GRXCR2: variants seen among roughly 807,000 people sequenced by gnomAD.
GRXCR2 encodes the protein glutaredoxin domain-containing cysteine-rich protein 2.
In GRXCR2, 23 loss-of-function variants were observed where a neutral mutation model predicts 24.8. The observed-to-expected ratio is 0.93, with a 90% confidence interval of 0.67 to 1.32. The LOEUF (loss-of-function observed/expected upper bound fraction) is 1.32, where lower values mean the gene tolerates loss of function less well. Ranked by LOEUF, GRXCR2 falls within the 40% of genes most tolerant of loss-of-function variation. The probability of loss-of-function intolerance (pLI) is 0.00; values close to 1 mark genes in which losing one functional copy is unlikely to be tolerated. For synonymous variants in GRXCR2, 130 were observed against 116.1 expected, an observed-to-expected ratio of 1.12 and a Z score of -0.77; for missense variants, 315 against 303.4, an observed-to-expected ratio of 1.04 and a Z score of -0.28.
intron 2 of GRXCR2, among the ~76,000 whole-genome samples, chr5:145,920,639 G>A (rs1757308654): frequency 6.6e-6 from 1 of 152,128 alleles, no homozygotes; most frequent in Non-Finnish European, 1.5e-5. Context: ...CAGAGGGTGG[G>A]GGTGACAAAC....
chr5:145,893,071 C>A (rs938247994), intron 2 of GRXCR2, among the ~76,000 whole-genome samples: 11 of 152,110 alleles, frequency 7.2e-5, no homozygotes, highest in East Asian at 3.9e-4. Context: ...ACTTTACAGA[C>A]AAGCAAATGC....
chr5:145,865,550 T>C (rs1756415156), intron 2 of GRXCR2, among the ~76,000 whole-genome samples: 1 of 152,236 alleles, frequency 6.6e-6, no homozygotes, highest in South Asian at 2.1e-4. Context: ...TTGTGGACAC[T>C]GACAGCCATA....
chr5:145,858,171 G>T (rs192664876), downstream of GRXCR2, among the ~76,000 whole-genome samples: 1 of 152,052 alleles, frequency 6.6e-6, no homozygotes, highest in African/African-American at 2.4e-5. Flanking sequence ...AAAATTAGCT[G>T]GGAGTGGTGG....
At chr5:145,912,196 C>A (rs953337653) in intron 2 of GRXCR2, among the ~76,000 whole-genome samples, 1 of 152,168 alleles carries the variant, frequency 6.6e-6, no homozygotes. Context: ...CAGTGCTGGG[C>A]GGACAAAGGT....
chr5:145,900,399 G>A (rs1233651488), intron 2 of GRXCR2, among the ~76,000 whole-genome samples: 2 of 152,108 alleles, frequency 1.3e-5, no homozygotes, highest in Non-Finnish European at 2.9e-5. Flanking sequence ...GAGGAACTGT[G>A]AGCCAATTAA....
intron 2 of GRXCR2, among the ~76,000 whole-genome samples, chr5:145,910,872 A>C (rs1225844448): frequency 6.7e-6 from 1 of 150,058 alleles, no homozygotes; most frequent in African/African-American, 2.5e-5. Flanking sequence ...CCGTGCATGC[A>C]CACACATGTG....
At chr5:145,918,147 T>C (rs1757266497) in intron 2 of GRXCR2, among the ~76,000 whole-genome samples, 1 of 152,254 alleles carries the variant, frequency 6.6e-6, no homozygotes. Context: ...CACTTTTCAG[T>C]TGAATGCTGG....
At chr5:145,918,739 A>G (rs531701054) in intron 2 of GRXCR2, among the ~76,000 whole-genome samples, 1 of 152,310 alleles carries the variant, frequency 6.6e-6, no homozygotes, top group African/African-American at 2.4e-5. Flanking sequence ...ATCTAGAGGA[A>G]GAAGCTCAGG....
intron 2 of GRXCR2, among the ~76,000 whole-genome samples, chr5:145,929,307 C>A (rs547366150): frequency 6.6e-6 from 1 of 150,814 alleles, no homozygotes; most frequent in South Asian, 2.1e-4. Context: ...ATAAGGAACA[C>A]ACTTGGATAC....
chr5:145,878,328 T>A (rs1756649073), intron 2 of GRXCR2, among the ~76,000 whole-genome samples: 1 of 152,052 alleles, frequency 6.6e-6, no homozygotes, highest in South Asian at 2.1e-4. Context: ...TTAACTAGAA[T>A]AAACAGTGTA....
chr5:145,914,619 T>C (rs1757211327), intron 2 of GRXCR2, among the ~76,000 whole-genome samples: 1 of 130,616 alleles, frequency 7.7e-6, no homozygotes, highest in African/African-American at 3.0e-5. Flanking sequence ...AAGGTTGCAG[T>C]GAGCCGAGAT....
intron 2 of GRXCR2, among the ~76,000 whole-genome samples, chr5:145,896,521 C>T (rs559313506): frequency 6.6e-6 from 1 of 152,226 alleles, no homozygotes; most frequent in Admixed American, 6.5e-5. Context: ...AGCCAAAAGG[C>T]ACATGAAAAA....
intron 2 of GRXCR2, among the ~76,000 whole-genome samples, chr5:145,878,710 C>G (rs182586723): frequency 1.3e-5 from 2 of 152,172 alleles, no homozygotes; most frequent in Admixed American, 6.5e-5. Context: ...CACAAAGATA[C>G]TCCTCGAGAA....
chr5:145,884,192 A>G (rs1211253651), intron 2 of GRXCR2, among the ~76,000 whole-genome samples: 1 of 152,196 alleles, frequency 6.6e-6, no homozygotes, highest in Non-Finnish European at 1.5e-5. Flanking sequence ...CAAGAAGTAC[A>G]GAGAATAGAG....
At chr5:145,900,366 C>A (rs1049085731) in intron 2 of GRXCR2, among the ~76,000 whole-genome samples, 5 of 152,128 alleles carry the variant, frequency 3.3e-5, no homozygotes, top group Admixed American at 1.3e-4. Flanking sequence ...GAGGTCTCCC[C>A]AGTCATGCTT....
intron 2 of GRXCR2, among the ~76,000 whole-genome samples, chr5:145,898,545 G>A (rs555697552): frequency 9.2e-5 from 14 of 152,180 alleles, no homozygotes; most frequent in Middle Eastern, 3.4e-3. Flanking sequence ...AAAAATACTA[G>A]CAAACTAAAT....
At chr5:145,869,264 C>G (rs1267622864) in intron 1 of GRXCR2, among the ~76,000 whole-genome samples, 1 of 152,214 alleles carries the variant, frequency 6.6e-6, no homozygotes. Flanking sequence ...ATCTGTAAAA[C>G]ACTCATAGAA....
At position 145,929,781 on chromosome 5, in the gene GRXCR2, T is replaced by C. The variant is rs145187086; in HGVS notation, c.-70+5920A>G. Among the ~76,000 whole-genome samples the C allele has an allele frequency of 5.9e-4, 90 of 152,290 alleles. 1 individual carries two copies. The highest frequency in any genetic ancestry group is 2.1e-3 in the African/African-American group (87 of 41,570). ...ATGCTTGGTAGACTATTCTTTTTTA[T>C]TGACAATCAAGAGGAAGAAATGCAC... On this transcript the variant is annotated intron_variant, in intron 2 of 3. Transcript: ENST00000639411.
intron 2 of GRXCR2, among the ~76,000 whole-genome samples, chr5:145,889,238 A>AAGAAAGAAAGAAAGAAAGAAAGAAAGAG (rs1201131471): frequency 2.7e-5 from 4 of 149,032 alleles, no homozygotes; most frequent in Admixed American, 2.0e-4. Flanking sequence ...GAAAGAAAGA[A>AAGAAAGAAAGAAAGAAAGAAAGAAAGAG]AGAAAGAATT....
Sources: gnomAD v4.1 joint callset for allele counts (sites outside exome capture counted in the v4.1 genomes callset) on GRCh38, gnomAD v4.1.1 for gene constraint, MANE v1.5 for transcripts, NCBI Gene and HGNC (gene_info 2026-07-23, HGNC 2026-07-21) for gene names.